CRYBG2: variants seen among roughly 807,000 people sequenced by gnomAD.
The protein encoded by CRYBG2 is beta/gamma crystallin domain-containing protein 2.
In CRYBG2, 106 loss-of-function variants were observed where a neutral mutation model predicts 153.4. The ratio of observed to expected loss-of-function variants is 0.69; its 90% CI spans 0.59 to 0.81. CRYBG2 has a LOEUF of 0.81. Ranked by LOEUF, CRYBG2 falls within the 30% of genes least tolerant of loss-of-function variation. The pLI is 0.00. For synonymous variants in CRYBG2, 851 were observed against 877.8 expected (o/e 0.97, Z 0.54); for missense variants, 1,996 against 2,112.0 (o/e 0.95, Z 1.08).
chr1:26,322,335 G>A lies in CRYBG2; in HGVS notation c.4738-12C>T, dbSNP rs60799739. ...ATGGTGGGGGCCATCTGAGGCCCCA[G>A]GAGGTCATCAGGCATTGTTCCTCCC... On this transcript the variant is annotated splice_polypyrimidine_tract_variant and intron_variant, in intron 18 of 19. Coordinates refer to ENST00000308182, the MANE Select transcript of CRYBG2 (RefSeq NM_001039775.4). The A allele has an allele frequency of 0.11, 179,247 of 1,606,226 alleles. 10,822 individuals are homozygous for A. The highest frequency in any genetic ancestry group is 0.2 in the South Asian group (18,452 of 90,842).
At position 26,342,831 on chromosome 1, in the gene CRYBG2, C is replaced by G; in HGVS notation, c.3127G>C (p.Glu1043Gln). 2 of 1,614,188 alleles carry G rather than the reference C, an allele frequency of 1.2e-6. No homozygotes were observed. Among genetic ancestry groups the G allele is most frequent in the Non-Finnish European group, 1.7e-6 (2 of 1,180,032 alleles). The part of the protein sequence containing the change: ...EFRGQKLVLP[E>Q]GDMELRTPGT... ...GGGGTTCTGAGTTCCATGTCTCCTT[C>G]AGGCAGGACCAGCTTCTGACCCCGG... Residue 1043 changes from glutamate (E) to glutamine (Q), a missense_variant, in exon 5 of 20, where the codon GAA becomes CAA. By Grantham distance (29) the Glu-to-Gln change is conservative. Transcript: ENST00000308182.
Position 26,346,577 on chromosome 1 carries a change from G to C in CRYBG2, c.81C>G (p.Pro27=). The change falls in exon 2 of 20, where the codon CCC becomes CCG. Residue 27 remains proline (P), a synonymous_variant. Coordinates refer to ENST00000308182, the MANE Select transcript of CRYBG2 (RefSeq NM_001039775.4). The surrounding 1 kb of genome is among the most constrained non-coding windows in gnomAD (Gnocchi z 4.9). ...AACCATGTTTGATCTCTTCCTGGGT[G>C]GGGGGCCGCTGCCGCCATGTCAATG... is the stretch of plus-strand genomic sequence containing the variant. ...SATLTWRQRP[P]TQEEIKHGFH... is the part of the protein sequence containing the mutation. 3.1e-6 allele frequency: 5 copies of C among 1,602,234 alleles called. No individual in the cohort carries two copies. The highest frequency in any genetic ancestry group is 4.3e-6 in the Non-Finnish European group (5 of 1,174,602).
chr1:26,348,074 C>G (rs112722847), intron 1 of CRYBG2, among the ~76,000 whole-genome samples: 1,960 of 152,354 alleles, frequency 0.013, 39 homozygotes, highest in African/African-American at 0.043. Context: ...ATTGGGACTA[C>G]AGGCACATGC....
In CRYBG2 at chr1:26,328,198, A is replaced by G. The variant is rs1216673228; in HGVS notation, c.4578+11T>C. On this transcript the variant is annotated intron_variant, in intron 17 of 19. Transcript: ENST00000308182. ...GCCCCAGACACGCTCAGCTCCAGCC[A>G]CGCTACCCACCTGCTTGATGGGGTA... 6.4e-7 allele frequency: 1 copy of G among 1,560,402 alleles called. No individual in the cohort carries two copies. Among genetic ancestry groups the G allele is most frequent in the South Asian group, 1.2e-5 (1 of 84,694 alleles).
intron 1 of CRYBG2, among the ~76,000 whole-genome samples, chr1:26,352,792 C>A (rs2074300444): frequency 6.6e-6 from 1 of 150,496 alleles, no homozygotes; most frequent in Non-Finnish European, 1.5e-5. Flanking sequence ...CTCCTCCACC[C>A]CCCTTCCCTC....
At chr1:26,342,935 G>C in intron 4 of CRYBG2, 52 bp from the exon 5 acceptor site, 3 of 1,606,094 alleles carry the variant, frequency 1.9e-6, no homozygotes, top group Non-Finnish European at 2.6e-6. Context: ...ATGTGCCCAG[G>C]GCTGCTGGGT....
rs1172502701 is a variant in CRYBG2, at chr1:26,336,514, CT to C, written c.4038+91del. 1 of 1,545,560 alleles carries C rather than the reference CT, an allele frequency of 6.5e-7. No individual in the cohort carries two copies. Among genetic ancestry groups the C allele is most frequent in the Non-Finnish European group, 8.7e-7 (1 of 1,144,412 alleles). On this transcript the variant is annotated intron_variant, in intron 12 of 19. Coordinates refer to ENST00000308182, the MANE Select transcript of CRYBG2 (RefSeq NM_001039775.4). This position sits in a 1 kb window ranked among gnomAD's most constrained non-coding sequence, Gnocchi z 4.9. ...CCCGCCCCAAGCGCCCAGGCAGGTC[CT>C]CCAGCCCGCTACCTCTGCGTGGGGG...
rs767224504 is a variant in CRYBG2 at position 26,328,742 on chromosome 1, C to T, written c.4446G>A (p.Lys1482=). 1.2e-6 allele frequency: 2 copies of T among 1,613,484 alleles called. No individual in the cohort carries two copies. The highest frequency in any genetic ancestry group is 1.7e-6 in the Non-Finnish European group (2 of 1,179,712). ...FNNHVLSVRI[K]GGIWVLCEHS... is the part of the protein sequence containing the mutation. The stretch of plus-strand genomic sequence containing the variant: ...CTCCCCTCAGCACTCACATGCCCCC[C>T]TTGATCCGCACAGACAGCACATGGT... Residue 1482 remains lysine (K), a synonymous_variant, in exon 16 of 20, where the codon AAG becomes AAA. Coordinates refer to ENST00000308182, the MANE Select transcript of CRYBG2 (RefSeq NM_001039775.4).
chr1:26,349,095 G>C (rs891305997), intron 1 of CRYBG2, among the ~76,000 whole-genome samples: 6 of 151,918 alleles, frequency 3.9e-5, no homozygotes, highest in Non-Finnish European at 5.9e-5. Context: ...CTTGAACCTG[G>C]GGGGCGGAGG....
At chr1:26,339,169 C>T in intron 6 of CRYBG2, 121 bp downstream of exon 6, 2 of 1,299,836 alleles carry the variant, frequency 1.5e-6, no homozygotes, top group Non-Finnish European at 2.1e-6. Flanking sequence ...GCTTACTTGC[C>T]TGTCCCCACC....
At chr1:26,335,694 G>A (rs775122608) in intron 14 of CRYBG2, among the ~76,000 whole-genome samples, 20 of 152,188 alleles carry the variant, frequency 1.3e-4, no homozygotes, top group Admixed American at 2.0e-4. Context: ...GAGACAATGG[G>A]AGAAATCTGA....
At chr1:26,332,306 CAAA>C (rs567865951) in intron 14 of CRYBG2, among the ~76,000 whole-genome samples, 3 of 71,452 alleles carry the variant, frequency 4.2e-5, no homozygotes, top group Non-Finnish European at 5.2e-5. Context: ...GACTCCGTGT[CAAA>C]AAAAAAAAAA....
chr1:26,322,888 T>A (rs1376171410), intron 18 of CRYBG2, among the ~76,000 whole-genome samples: 1 of 152,098 alleles, frequency 6.6e-6, no homozygotes. Context: ...TACCTCCCCC[T>A]TACTCAACTC....
chr1:26,343,217 C>A lies in CRYBG2; in HGVS notation c.2961+29G>T. ...GACCCCAGGCCCCTGCATCCTGCTG[C>A]CCCCACCCACTTGCCCCCACAACCC... On this transcript the variant is annotated intron_variant, in intron 3 of 19. Transcript: ENST00000308182. The surrounding 1 kb of genome is among the most constrained non-coding windows in gnomAD (Gnocchi z 4.1). 1.3e-6 allele frequency: 2 copies of A among 1,550,326 alleles called. No homozygotes were observed. Among genetic ancestry groups the A allele is most frequent in the Non-Finnish European group, 1.7e-6 (2 of 1,146,830 alleles).
chr1:26,330,593 C>T (rs960026679), intron 15 of CRYBG2, among the ~76,000 whole-genome samples: 6 of 135,148 alleles, frequency 4.4e-5, no homozygotes, highest in Admixed American at 8.3e-5. Flanking sequence ...GGCTGGAGTA[C>T]GGTGGCGTTA....
At chr1:26,334,211 C>A (rs2124700355) in intron 14 of CRYBG2, among the ~76,000 whole-genome samples, 1 of 152,202 alleles carries the variant, frequency 6.6e-6, no homozygotes, top group Non-Finnish European at 1.5e-5. Context: ...TTGCTTGAGC[C>A]CAGAAGTTTG....
chr1:26,346,632 G>A lies in CRYBG2; in HGVS notation c.26C>T (p.Ala9Val). Residue 9 changes from alanine (A) to valine (V), a missense_variant, in exon 2 of 20, where the codon GCC becomes GTC. By Grantham distance (64) the Ala-to-Val change is moderately conservative (BLOSUM62 0). Transcript: ENST00000308182. The surrounding 1 kb of genome is among the most constrained non-coding windows in gnomAD (Gnocchi z 4.9). MEEAGGPM[A>V]RAKARVVSAT... Reference sequence around the variant, plus strand: ...ACTTACCACTCGGGCCTTGGCCCGGGCCATGGGCCCACCTGCCTCCTCCAT... The same window carrying A: ...ACTTACCACTCGGGCCTTGGCCCGGACCATGGGCCCACCTGCCTCCTCCAT... 1 of 1,555,844 alleles carries A rather than the reference G, an allele frequency of 6.4e-7. No homozygotes were observed.
intron 10 of CRYBG2, 103 bp from the exon 11 acceptor site, chr1:26,337,083 G>C (rs1410899427): frequency 6.4e-7 from 1 of 1,564,552 alleles, no homozygotes; most frequent in Admixed American, 1.8e-5. Context: ...TAGGGGTGAG[G>C]CTGTCAGTAC....
In CRYBG2 at chr1:26,343,007, G is replaced by C. The variant is rs1363226627; in HGVS notation, c.3074+40C>G. The C allele has an allele frequency of 2.0e-6, 3 of 1,535,670 alleles. No homozygotes were observed. In the African/African-American group the frequency reaches 4.1e-5, roughly 21 times the overall value. ...CCTCACTCCCCTCTGCATCCCCCCAGGTTCACAGCCAAGTGCCTTGCTGGG... is the reference window on the plus strand; with the variant it reads ...CCTCACTCCCCTCTGCATCCCCCCACGTTCACAGCCAAGTGCCTTGCTGGG... On this transcript the variant is annotated intron_variant, in intron 4 of 19. Coordinates refer to ENST00000308182, the MANE Select transcript of CRYBG2 (RefSeq NM_001039775.4). The surrounding 1 kb of genome is among the most constrained non-coding windows in gnomAD (Gnocchi z 4.1).
Sources: allele counts gnomAD v4.1 joint callset (sites outside exome capture counted in the v4.1 genomes callset), GRCh38; gene constraint gnomAD v4.1.1; non-coding constraint Gnocchi (gnomAD v3.1); transcripts MANE v1.5; gene names NCBI Gene and HGNC (gene_info 2026-07-23, HGNC 2026-07-21).